TCF4: variants seen among roughly 807,000 people sequenced by gnomAD.
The protein encoded by TCF4 is SL3-3 enhancer factor 2.
A neutral mutation model predicts 82.1 loss-of-function variants in TCF4; 3 were observed. That is an observed-to-expected ratio of 0.04 (90% CI 0.02 to 0.09). The LOEUF (loss-of-function observed/expected upper bound fraction) is 0.09. TCF4 is among the 10% of genes least tolerant of loss of function. The pLI is 1.00. For synonymous variants in TCF4, 276 were observed against 309.6 expected (o/e 0.89, Z 1.14); for missense variants, 518 against 852.7 (o/e 0.61, Z 4.89).
intron 6 of TCF4, among the ~76,000 whole-genome samples, chr18:55,385,090 T>C (rs1046993205): frequency 1.3e-5 from 2 of 151,928 alleles, no homozygotes; most frequent in Non-Finnish European, 2.9e-5. Flanking sequence ...TATTGGTTTC[T>C]AAAAGAGCAG....
At chr18:55,491,317 C>A (rs1490500515) in intron 3 of TCF4, among the ~76,000 whole-genome samples, 1 of 152,060 alleles carries the variant, frequency 6.6e-6, no homozygotes, top group East Asian at 1.9e-4. Context: ...AAGACATACT[C>A]CAGGCCAAAT....
At chr18:55,499,770 G>A (rs2096676797) in intron 3 of TCF4, among the ~76,000 whole-genome samples, 2 of 152,186 alleles carry the variant, frequency 1.3e-5, no homozygotes, top group South Asian at 4.1e-4. Flanking sequence ...TAGTTTCCAA[G>A]CCCGGCTGGC....
At chr18:55,455,327 C>T (rs1023240636) in intron 5 of TCF4, among the ~76,000 whole-genome samples, 24 of 151,782 alleles carry the variant, frequency 1.6e-4, no homozygotes, top group African/African-American at 4.6e-4. Flanking sequence ...AAAACACCAG[C>T]GATGAGGCTC....
intron 6 of TCF4, among the ~76,000 whole-genome samples, chr18:55,398,336 A>T (rs925351334): frequency 6.6e-6 from 1 of 152,222 alleles, no homozygotes; most frequent in African/African-American, 2.4e-5. Context: ...AACTGTCACA[A>T]TTTAAAATAT....
chr18:55,629,603 G>A (rs1439387795), intron 2 of TCF4, among the ~76,000 whole-genome samples: 2 of 152,206 alleles, frequency 1.3e-5, no homozygotes, highest in African/African-American at 4.8e-5. Context: ...GTGAACGCCT[G>A]TGTGCAGCTG....
At chr18:55,589,373 T>C, upstream of TCF4, 1 of 1,054,540 alleles carries the variant, frequency 9.5e-7, no homozygotes. Context: ...CTTCTGCAAG[T>C]ACTTAGTATC....
intron 3 of TCF4, among the ~76,000 whole-genome samples, chr18:55,489,363 TC>T (rs2096551456): frequency 6.6e-6 from 1 of 152,038 alleles, no homozygotes; most frequent in Non-Finnish European, 1.5e-5. Flanking sequence ...AGCTGTAATC[TC>T]TTTCAGGCTC....
At chr18:55,236,047 C>A (rs976626154) in intron 15 of TCF4, among the ~76,000 whole-genome samples, 50 of 142,802 alleles carry the variant, frequency 3.5e-4, no homozygotes, top group Non-Finnish European at 1.5e-4. Context: ...CTGAAGTATG[C>A]CATTTTTATA....
At chr18:55,354,178 C>A (rs2082932674) in intron 6 of TCF4, among the ~76,000 whole-genome samples, 1 of 152,108 alleles carries the variant, frequency 6.6e-6, no homozygotes, top group African/African-American at 2.4e-5. Flanking sequence ...AATACTGTAA[C>A]CAAAGAATAA....
chr18:55,541,349 T>C (rs1287534505), intron 3 of TCF4, among the ~76,000 whole-genome samples: 1 of 151,972 alleles, frequency 6.6e-6, no homozygotes, highest in African/African-American at 2.4e-5. Flanking sequence ...TGATCTCATT[T>C]TGATGAGGTA....
At chr18:55,255,732 G>C (rs2056642009) in intron 14 of TCF4, among the ~76,000 whole-genome samples, 1 of 152,106 alleles carries the variant, frequency 6.6e-6, no homozygotes, top group Non-Finnish European at 1.5e-5. Context: ...AAGACACAAA[G>C]TGAATTAGTT....
chr18:55,526,997 G>A (rs1370631922), intron 3 of TCF4, among the ~76,000 whole-genome samples: 1 of 152,044 alleles, frequency 6.6e-6, no homozygotes, highest in Non-Finnish European at 1.5e-5. Context: ...CCTATCCCAG[G>A]GAGTCTGGAC....
intron 2 of TCF4, among the ~76,000 whole-genome samples, chr18:55,604,750 G>A (rs2097700674): frequency 6.6e-6 from 1 of 152,146 alleles, no homozygotes; most frequent in African/African-American, 2.4e-5. Context: ...ACCTGGGAGA[G>A]CAGAGTGGAG....
chr18:55,406,466 T>C (rs1159614828), intron 5 of TCF4, among the ~76,000 whole-genome samples: 1 of 152,174 alleles, frequency 6.6e-6, no homozygotes, highest in Non-Finnish European at 1.5e-5. Flanking sequence ...AGAAACTATC[T>C]TTTGTGTAAA....
intron 5 of TCF4, among the ~76,000 whole-genome samples, chr18:55,422,712 G>T (rs944071171): frequency 3.9e-5 from 6 of 151,994 alleles, no homozygotes; most frequent in African/African-American, 1.4e-4. Flanking sequence ...GAATGAAACC[G>T]ATCCAATCTC....
At chr18:55,509,014 CTT>C (rs1480264495) in intron 3 of TCF4, among the ~76,000 whole-genome samples, 3 of 152,108 alleles carry the variant, frequency 2.0e-5, no homozygotes, top group African/African-American at 4.8e-5. Context: ...TATTAAATCT[CTT>C]TACATTTTAA....
intron 5 of TCF4, among the ~76,000 whole-genome samples, chr18:55,455,104 C>T (rs2095710426): frequency 6.8e-6 from 1 of 147,250 alleles, no homozygotes; most frequent in Non-Finnish European, 1.5e-5. Context: ...GGAGGCTCAC[C>T]TGAGCCCAGG....
In TCF4 at chr18:55,625,240, C is replaced by CT. The variant is rs1212898000; in HGVS notation, c.286+6057dup. On this transcript the variant is annotated intron_variant, in intron 2 of 20. Transcript: ENST00000398339. ...GTTATTGTTGCTGCTCAAGCTACAA[C>CT]TTTTTTTTTTTTTTTTGAGATGGGA... 9.3e-3 allele frequency among the ~76,000 whole-genome samples: 1,315 copies of CT among 141,854 alleles called. 19 individuals are homozygous for CT. The highest frequency in any genetic ancestry group is 0.028 in the African/African-American group (1,091 of 39,030). The allele number at this position is 141,854 out of a possible 152,430, so 93.1% of individuals were successfully genotyped here.
chr18:55,279,462 A>G, intron 9 of TCF4, 89 bp downstream of exon 9: 1 of 1,588,532 alleles, frequency 6.3e-7, no homozygotes, highest in Non-Finnish European at 8.6e-7. Flanking sequence ...CTTGCCTACT[A>G]TTCCATTTCT....
Sources: allele counts gnomAD v4.1 joint callset (sites outside exome capture counted in the v4.1 genomes callset), GRCh38; gene constraint gnomAD v4.1.1; transcripts MANE v1.5; gene names NCBI Gene and HGNC (gene_info 2026-07-23, HGNC 2026-07-21).